The following PIBF1 variants were observed in gnomAD, a reference collection of about 807,000 sequenced individuals.
PIBF1 encodes the protein progesterone-induced-blocking factor 1.
A neutral mutation model predicts 112.5 loss-of-function variants in PIBF1; 90 were observed. The observed-to-expected ratio is 0.80, with a 90% CI of 0.67 to 0.95. PIBF1 has a LOEUF of 0.95. Ranked by LOEUF, PIBF1 falls within the 40% of genes least tolerant of loss-of-function variation. PIBF1 has a pLI of 0.00. For synonymous variants in PIBF1, 301 were observed against 288.6 expected (o/e 1.04, Z -0.44); for missense variants, 915 against 852.3 (o/e 1.07, Z -0.92).
chr13:72,819,465 C>A (rs961457734), intron 5 of PIBF1, among the ~76,000 whole-genome samples: 2 of 151,384 alleles, frequency 1.3e-5, no homozygotes, highest in Non-Finnish European at 2.9e-5. Flanking sequence ...TTTTTTAAAA[C>A]CTTCATTGGC....
At chr13:72,833,443 A>G (rs185915088) in intron 8 of PIBF1, among the ~76,000 whole-genome samples, 28 of 152,220 alleles carry the variant, frequency 1.8e-4, no homozygotes, top group African/African-American at 6.7e-4. Flanking sequence ...TGACCTTCAG[A>G]TGGGGTCTTT....
At chr13:72,965,633 A>C (rs1325632711) in intron 15 of PIBF1, among the ~76,000 whole-genome samples, 1 of 152,240 alleles carries the variant, frequency 6.6e-6, no homozygotes, top group East Asian at 1.9e-4. Context: ...TGTTACACTT[A>C]TGAGCATAAC....
rs116465487 is a variant in PIBF1, at chr13:72,911,782, A to G, written c.1639+3101A>G. Among the ~76,000 whole-genome samples the G allele has an allele frequency of 5.3e-3, 811 of 152,256 alleles. 15 individuals carry two copies. Among genetic ancestry groups the G allele is most frequent in the African/African-American group, 0.018 (760 of 41,552 alleles). On this transcript the variant is annotated intron_variant, in intron 12 of 17. Transcript: ENST00000326291. ...AGAAAATATTCACAAAACATAGATT[A>G]AACAAAAGAAAATGATACCCAAATG... is the stretch of plus-strand genomic sequence containing the variant.
intron 9 of PIBF1, among the ~76,000 whole-genome samples, chr13:72,846,219 A>G (rs2037872579): frequency 6.6e-6 from 1 of 152,116 alleles, no homozygotes; most frequent in South Asian, 2.1e-4. Context: ...CTTCAGTCTT[A>G]CCCAGTTCGA....
chr13:72,860,070 C>CT (rs2038622998), intron 10 of PIBF1, among the ~76,000 whole-genome samples: 1 of 152,192 alleles, frequency 6.6e-6, no homozygotes. Flanking sequence ...GATACATTCT[C>CT]TATCAGTAGA....
At chr13:72,938,109 A>G (rs867161728) in intron 14 of PIBF1, among the ~76,000 whole-genome samples, 2 of 152,340 alleles carry the variant, frequency 1.3e-5, no homozygotes, top group Non-Finnish European at 1.5e-5. Flanking sequence ...ACAAAAGTCT[A>G]GGTTAAAATG....
chr13:73,010,810 C>CTTTTTTTTTTTTTTTTTTTTTTTTTTTTT (rs1176079981), intron 17 of PIBF1, among the ~76,000 whole-genome samples: 4 of 40,280 alleles, frequency 9.9e-5, no homozygotes, highest in Non-Finnish European at 1.3e-4. Flanking sequence ...ATTAACTTTT[C>CTTTTTTTTTTTTTTTTTTTTTTTTTTTTT]TTTTTTTTTT....
At chr13:72,834,759 C>T (rs1247766960) in intron 8 of PIBF1, among the ~76,000 whole-genome samples, 1 of 152,122 alleles carries the variant, frequency 6.6e-6, no homozygotes, top group South Asian at 2.1e-4. Flanking sequence ...CTATATAATA[C>T]TTCGACTTGG....
At chr13:73,006,162 G>A (rs2044028402) in intron 17 of PIBF1, among the ~76,000 whole-genome samples, 1 of 151,924 alleles carries the variant, frequency 6.6e-6, no homozygotes, top group Non-Finnish European at 1.5e-5. Flanking sequence ...CAAGTGATCT[G>A]CCCACCTCGG....
chr13:73,012,125 G>A (rs1453064192), intron 17 of PIBF1, among the ~76,000 whole-genome samples: 1 of 152,284 alleles, frequency 6.6e-6, no homozygotes, highest in East Asian at 1.9e-4. Context: ...GCCGAGGCGA[G>A]CAGATCACCT....
At chr13:72,865,822 A>C (rs2038902968) in intron 10 of PIBF1, among the ~76,000 whole-genome samples, 1 of 152,192 alleles carries the variant, frequency 6.6e-6, no homozygotes. Flanking sequence ...TGTGAAGTTG[A>C]ACATCAGTAG....
chr13:72,970,128 AC>A (rs747423765), intron 15 of PIBF1, among the ~76,000 whole-genome samples: 5 of 152,142 alleles, frequency 3.3e-5, no homozygotes, highest in Non-Finnish European at 7.4e-5. Flanking sequence ...TACCATACTT[AC>A]CCCTTGAAAA....
At chr13:73,000,316 CT>C (rs2043816089) in intron 17 of PIBF1, among the ~76,000 whole-genome samples, 1 of 152,328 alleles carries the variant, frequency 6.6e-6, no homozygotes, top group South Asian at 2.1e-4. Context: ...CATCTACTCT[CT>C]TATAATGTAG....
intron 10 of PIBF1, among the ~76,000 whole-genome samples, chr13:72,860,742 A>G (rs529722318): frequency 6.6e-5 from 10 of 152,316 alleles, no homozygotes; most frequent in African/African-American, 1.9e-4. Flanking sequence ...ATGTATGGAA[A>G]CGGTGTGCCA....
intron 5 of PIBF1, among the ~76,000 whole-genome samples, chr13:72,801,464 T>C (rs1452644530): frequency 2.0e-5 from 3 of 152,170 alleles, no homozygotes; most frequent in African/African-American, 4.8e-5. Context: ...AAATCTATTA[T>C]CAAAAGTTAA....
intron 10 of PIBF1, among the ~76,000 whole-genome samples, chr13:72,872,609 A>C (rs911330392): frequency 6.6e-6 from 1 of 152,132 alleles, no homozygotes; most frequent in African/African-American, 2.4e-5. Context: ...AGTTTTGTTT[A>C]ATTAATTTTA....
intron 8 of PIBF1, among the ~76,000 whole-genome samples, chr13:72,831,559 A>T (rs1439540245): frequency 6.6e-6 from 1 of 152,136 alleles, no homozygotes; most frequent in Non-Finnish European, 1.5e-5. Flanking sequence ...TTCATTTTCC[A>T]TGTAGTTGTA....
chr13:72,931,039 AT>A, intron 13 of PIBF1, 125 bp from the exon 14 acceptor site: 1 of 629,836 alleles, frequency 1.6e-6, no homozygotes, highest in Non-Finnish European at 2.8e-6. Flanking sequence ...TTGACTCTAT[AT>A]TTTTTCTGTT....
intron 16 of PIBF1, among the ~76,000 whole-genome samples, chr13:72,976,004 C>T (rs973997684): frequency 1.3e-5 from 2 of 152,052 alleles, no homozygotes; most frequent in Admixed American, 6.6e-5. Flanking sequence ...AATATATGAG[C>T]AGTTCCAACA....
Sources: allele counts gnomAD v4.1 joint callset (sites outside exome capture counted in the v4.1 genomes callset), GRCh38; gene constraint gnomAD v4.1.1; transcripts MANE v1.5; gene names NCBI Gene and HGNC (gene_info 2026-07-23, HGNC 2026-07-21).